The following THRB variants were observed in gnomAD, a reference collection of about 807,000 sequenced individuals.
THRB encodes thyroid hormone receptor beta, also known as nuclear receptor subfamily 1 group A member 2.
In THRB, 12 loss-of-function variants were observed where a neutral mutation model predicts 47.8. That is an observed-to-expected ratio of 0.25 (90% CI 0.16 to 0.41). The LOEUF is 0.41. THRB is among the 10% of genes least tolerant of loss of function. The pLI is 1.00. For missense variants in THRB, 348 were observed against 589.2 expected (o/e 0.59, Z 4.24); for synonymous variants, 218 against 212.2 (o/e 1.03, Z -0.24).
At chr3:24,340,458 G>A (rs2062558283) in intron 1 of THRB, among the ~76,000 whole-genome samples, 1 of 149,838 alleles carries the variant, frequency 6.7e-6, no homozygotes, top group Admixed American at 6.6e-5. Flanking sequence ...TGAAGCCTGA[G>A]CTAGATTGAT....
chr3:24,130,818 G>T lies in THRB; in HGVS notation c.885+2498C>A, dbSNP rs371952509. Among the ~76,000 whole-genome samples, 23 of 152,294 alleles carry T rather than the reference G, an allele frequency of 1.5e-4. No individual in the cohort carries two copies. The South Asian group carries it at 4.4e-3, about 29-fold the overall frequency. On this transcript the variant is annotated intron_variant, in intron 9 of 10. Transcript: ENST00000646209. ...TCAGTGATGCGGGCAGGATATAGTT[G>T]CCAGAACATTCACAGGAGCATATTT...
chr3:24,459,975 G>A (rs1433640156), intron 1 of THRB, among the ~76,000 whole-genome samples: 1 of 152,182 alleles, frequency 6.6e-6, no homozygotes, highest in African/African-American at 2.4e-5. Flanking sequence ...AAACAGAGCA[G>A]TTAAATTTTA....
intron 1 of THRB, among the ~76,000 whole-genome samples, chr3:24,429,169 G>T (rs377516424): frequency 2.0e-5 from 3 of 151,332 alleles, no homozygotes; most frequent in Non-Finnish European, 4.4e-5. Flanking sequence ...AAATTATGAG[G>T]TATTCAAGAA....
intron 3 of THRB, among the ~76,000 whole-genome samples, chr3:24,230,417 C>T (rs955553590): frequency 1.3e-5 from 2 of 152,144 alleles, no homozygotes; most frequent in Non-Finnish European, 2.9e-5. Flanking sequence ...GTTGATATAG[C>T]ATAGTGTAAG....
At chr3:24,149,028 T>C (rs1165137995) in intron 6 of THRB, among the ~76,000 whole-genome samples, 2 of 152,304 alleles carry the variant, frequency 1.3e-5, no homozygotes, top group Middle Eastern at 6.8e-3. Context: ...ATGTTGGCAA[T>C]GATTTCCTGG....
In THRB at chr3:24,216,066, A is replaced by G. The variant is rs191682591; in HGVS notation, c.22+12872T>C. On this transcript the variant is annotated intron_variant, in intron 4 of 10. Transcript: ENST00000646209. Reference sequence around the variant, plus strand: ...TTATTTTGCTAATAGACGCTTTACAATTCCAAATAGCTTGGCTATCTTTTA... The same window carrying G: ...TTATTTTGCTAATAGACGCTTTACAGTTCCAAATAGCTTGGCTATCTTTTA... Among the ~76,000 whole-genome samples, 314 of 152,334 alleles carry G rather than the reference A, an allele frequency of 2.1e-3. 3 individuals carry two copies. Among genetic ancestry groups the G allele is most frequent in the African/African-American group, 7.3e-3 (302 of 41,574 alleles).
chr3:24,187,810 C>G (rs1215829605), intron 5 of THRB, among the ~76,000 whole-genome samples: 1 of 152,152 alleles, frequency 6.6e-6, no homozygotes, highest in Admixed American at 6.5e-5. Flanking sequence ...TTGTTGCTGT[C>G]CTGGACTCAC....
At chr3:24,280,205 G>C (rs1001247423) in intron 3 of THRB, among the ~76,000 whole-genome samples, 1 of 152,198 alleles carries the variant, frequency 6.6e-6, no homozygotes, top group African/African-American at 2.4e-5. Context: ...AATTTGAAGA[G>C]AGCAGTGGTT....
chr3:24,322,108 G>A (rs1180682761), intron 2 of THRB, among the ~76,000 whole-genome samples: 2 of 151,846 alleles, frequency 1.3e-5, no homozygotes, highest in Non-Finnish European at 2.9e-5. Flanking sequence ...AGAGAAATTA[G>A]AATTATGAAT....
intron 2 of THRB, among the ~76,000 whole-genome samples, chr3:24,315,137 A>G (rs1220058528): frequency 6.6e-6 from 1 of 152,214 alleles, no homozygotes; most frequent in Non-Finnish European, 1.5e-5. Context: ...TTTTAAGAGA[A>G]GTTGTCCATT....
At chr3:24,291,841 T>C (rs1254360648) in intron 3 of THRB, among the ~76,000 whole-genome samples, 1 of 152,158 alleles carries the variant, frequency 6.6e-6, no homozygotes, top group Admixed American at 6.5e-5. Context: ...CAAATGTACA[T>C]GCCTTTTGAC....
intron 1 of THRB, among the ~76,000 whole-genome samples, chr3:24,459,811 T>A (rs2073535898): frequency 1.3e-5 from 2 of 152,238 alleles, no homozygotes; most frequent in South Asian, 4.1e-4. Flanking sequence ...ATGGTTTTTT[T>A]ATTGTAAATT....
chr3:24,275,102 T>C (rs2053770547), intron 3 of THRB, among the ~76,000 whole-genome samples: 1 of 152,186 alleles, frequency 6.6e-6, no homozygotes, highest in Admixed American at 6.5e-5. Flanking sequence ...ACTTTGTATC[T>C]TGGGTTTTAA....
chr3:24,200,885 C>G (rs1321999026), intron 4 of THRB, among the ~76,000 whole-genome samples: 1 of 152,166 alleles, frequency 6.6e-6, no homozygotes, highest in African/African-American at 2.4e-5. Context: ...TTCAGGTCCA[C>G]AGAATACTTT....
rs202125565 is a variant in THRB, at chr3:24,164,320, T to C, written c.284-11830A>G. Among the ~76,000 whole-genome samples, 3 of 152,342 alleles carry C rather than the reference T, an allele frequency of 2.0e-5. No individual in the cohort carries two copies. In the East Asian group the frequency reaches 5.8e-4, roughly 29 times the overall value. The stretch of plus-strand genomic sequence containing the variant: ...AATGGATATCGTACTGGTTTTAATA[T>C]TGGCTATTTTGAAGTGTGTTTCACT... On this transcript the variant is annotated intron_variant, in intron 5 of 10. Coordinates refer to ENST00000646209, the MANE Select transcript of THRB (RefSeq NM_001354712.2).
At chr3:24,295,789 T>G (rs2151023476) in intron 3 of THRB, among the ~76,000 whole-genome samples, 1 of 152,320 alleles carries the variant, frequency 6.6e-6, no homozygotes, top group Middle Eastern at 3.4e-3. Context: ...GTCACTGAAC[T>G]TCTCCAGCTG....
intron 4 of THRB, among the ~76,000 whole-genome samples, chr3:24,223,806 A>C (rs2047385341): frequency 6.6e-6 from 1 of 152,198 alleles, no homozygotes; most frequent in African/African-American, 2.4e-5. Flanking sequence ...TAAATCATTA[A>C]GAAAAAGACA....
At chr3:24,493,999 T>A (rs1258142970) in intron 1 of THRB, 1 of 152,340 alleles carries the variant, frequency 6.6e-6, no homozygotes, top group Non-Finnish European at 1.5e-5. Flanking sequence ...CAGAGGAAGA[T>A]GCTGCGCCAA....
At chr3:24,272,624 A>G (rs1319137669) in intron 3 of THRB, among the ~76,000 whole-genome samples, 7 of 152,076 alleles carry the variant, frequency 4.6e-5, no homozygotes. Flanking sequence ...ATTGACTCAC[A>G]CTTTTCTCAA....
Sources: gnomAD v4.1 joint callset for allele counts (sites outside exome capture counted in the v4.1 genomes callset) on GRCh38, gnomAD v4.1.1 for gene constraint, MANE v1.5 for transcripts, NCBI Gene and HGNC (gene_info 2026-07-23, HGNC 2026-07-21) for gene names.